Variants in CD209 observed in about 807,000 individuals in gnomAD.
CD209 encodes CD209 antigen.
A neutral mutation model predicts 44.7 loss-of-function variants in CD209; 31 were observed. The ratio of observed to expected loss-of-function variants is 0.69; its 90% CI spans 0.52 to 0.94. CD209 has a LOEUF of 0.94. Ranked by LOEUF, CD209 falls within the 40% of genes least tolerant of loss-of-function variation. CD209 has a pLI of 0.00. For synonymous variants in CD209, 173 were observed against 181.3 expected, an observed-to-expected ratio of 0.95 and a Z score of 0.37; for missense variants, 407 against 452.4, an observed-to-expected ratio of 0.90 and a Z score of 0.91.
chr19:7,744,790 G>T lies in CD209; in HGVS notation c.900+151C>A, dbSNP rs781659286. ...AGATTTGGTTTGTATCTGCTCTAAG[G>T]GTACTTGAGACTCCCTCATTCATAT... On this transcript the variant is annotated intron_variant, in intron 5 of 6. Transcript: ENST00000315599. 5.6e-5 allele frequency: 61 copies of T among 1,098,368 alleles called. 1 individual carries two copies. The highest frequency in any genetic ancestry group is 3.0e-4 in the Middle Eastern group (1 of 3,298). 68.0% of individuals were successfully genotyped at this position (1,098,368 alleles called of 1,614,324 possible).
intron 6 of CD209, 69 bp from the exon 7 acceptor site, chr19:7,743,309 TC>T: frequency 7.5e-7 from 1 of 1,338,268 alleles, no homozygotes. Context: ...CTACCTTCTG[TC>T]ATCTTGATGC....
chr19:7,743,578 C>A (rs1203174513), intron 6 of CD209, among the ~76,000 whole-genome samples: 1 of 152,140 alleles, frequency 6.6e-6, no homozygotes. Context: ...TGTCAGACAG[C>A]GAGGGGCAGC....
At chr19:7,743,361 C>G (rs1001680981) in intron 6 of CD209, 121 bp from the exon 7 acceptor site, 3 of 833,148 alleles carry the variant, frequency 3.6e-6, no homozygotes, top group Non-Finnish European at 6.1e-6. Context: ...ACTTGAATCC[C>G]TCTGCATACC....
chr19:7,746,167 T>G (rs2033815214), intron 3 of CD209, 80 bp from the exon 4 acceptor site: 3 of 1,570,504 alleles, frequency 1.9e-6, no homozygotes, highest in Non-Finnish European at 2.6e-6. Flanking sequence ...CATAGGGACA[T>G]CATTTGTGAG....
At position 7,742,047 on chromosome 19, in the gene CD209, G is replaced by A. The variant is rs1047953074; in HGVS notation, c.*992C>T. The A allele has an allele frequency of 1.7e-4, 48 of 289,840 alleles. No homozygotes were observed. Among genetic ancestry groups the A allele is most frequent in the Admixed American group, 7.3e-4 (16 of 21,874 alleles). The allele number at this position is 289,840 out of a possible 1,614,324, so 18.0% of individuals were successfully genotyped here. A position where few individuals can be genotyped will look rare whatever the true frequency, so the allele number is the denominator to read the frequency against. ...AGCCGCAGTGAGAACGGCCGGAGCC[G>A]TCACAGCCGGAGCCAAAGCTCCTCT... On this transcript the variant is annotated 3_prime_UTR_variant, in exon 7 of 7. Coordinates refer to ENST00000315599, the MANE Select transcript of CD209 (RefSeq NM_021155.4).
intron 4 of CD209, 92 bp downstream of exon 4, chr19:7,745,426 G>T (rs2040961354): frequency 1.2e-6 from 2 of 1,606,528 alleles, no homozygotes; most frequent in Admixed American, 3.4e-5. Context: ...CACAGATGAG[G>T]AAACTTGCTC....
chr19:7,744,178 G>T lies in CD209; in HGVS notation c.942C>A (p.Thr314=). 1.2e-6 allele frequency: 2 copies of T among 1,614,192 alleles called. No individual in the cohort carries two copies. Among genetic ancestry groups the T allele is most frequent in the Middle Eastern group, 3.3e-4 (2 of 6,062 alleles). The change falls in exon 6 of 7, where the codon ACC becomes ACA. Residue 314 remains threonine (T), a synonymous_variant. Transcript: ENST00000315599. The stretch of plus-strand genomic sequence containing the variant: ...GATTTAGATCTGAAAGTCCCATCCA[G>T]GTGAAGCGGTTACTTCTGGAAGACT... ...QLQSSRSNRF[T]WMGLSDLNQE...
intron 1 of CD209, 49 bp downstream of exon 1, chr19:7,747,417 G>C: frequency 6.2e-7 from 1 of 1,614,206 alleles, no homozygotes; most frequent in Non-Finnish European, 8.5e-7. Context: ...GCCATGGCTG[G>C]CCATCCCTTC....
chr19:7,743,108 G>T lies in CD209; in HGVS notation c.1146C>A (p.Ala382=). The change falls in exon 7 of 7, where the codon GCC becomes GCA. Residue 382 remains alanine (A), a synonymous_variant. Coordinates refer to ENST00000315599, the MANE Select transcript of CD209 (RefSeq NM_021155.4). ...AKFWICKKSA[A]SCSRDEEQFL... is the part of the protein sequence containing the mutation. Reference sequence around the variant, plus strand: ...ACTGTTCTTCATCCCTGGAGCAGGAGGCTGCGGACTTTTTGCAGATCCAGA... The same window carrying T: ...ACTGTTCTTCATCCCTGGAGCAGGATGCTGCGGACTTTTTGCAGATCCAGA... 1 of 1,614,214 alleles carries T rather than the reference G, an allele frequency of 6.2e-7. No homozygotes were observed. The highest frequency in any genetic ancestry group is 8.5e-7 in the Non-Finnish European group (1 of 1,180,042).
At chr19:7,743,881 T>C (rs112335707) in intron 6 of CD209, among the ~76,000 whole-genome samples, 4,846 of 152,242 alleles carry the variant, frequency 0.032, 238 homozygotes, top group African/African-American at 0.11. Context: ...TATATTTTAA[T>C]ACACCTCCCC....
At chr19:7,743,973 T>G (rs10422473) in intron 6 of CD209, 134 bp downstream of exon 6, 16 of 712,076 alleles carry the variant, frequency 2.2e-5, no homozygotes, top group African/African-American at 1.8e-4. Flanking sequence ...GAAGACCACC[T>G]TCCTCAACTC....
At position 7,745,075 on chromosome 19, in the gene CD209, A is replaced by C; in HGVS notation, c.766T>G (p.Cys256Gly). ...KAAVERLCHP[C>G]PWEWTFFQGN... is the part of the protein sequence containing the mutation. ...TGGAAGAATGTCCATTCCCAGGGAC[A>C]GGGGTGGCACAGGCGTTCTGTTGGG... Residue 256 changes from cysteine (C) to glycine (G), a missense_variant, in exon 5 of 7, where the codon TGT becomes GGT. By Grantham distance (159) the Cys-to-Gly change is radical (BLOSUM62 -3). This residue lies in a region of CD209 where 200 missense variants were observed against 202.2 expected (regional missense o/e 0.99). Transcript: ENST00000315599. 6.2e-7 allele frequency: 1 copy of C among 1,614,176 alleles called. No homozygotes were observed. The highest frequency in any genetic ancestry group is 1.1e-5 in the South Asian group (1 of 91,082).
intron 5 of CD209, among the ~76,000 whole-genome samples, 156 bp from the exon 6 acceptor site, chr19:7,744,375 G>A (rs1004394238): frequency 6.6e-6 from 1 of 152,144 alleles, no homozygotes; most frequent in African/African-American, 2.4e-5. Context: ...CCTCTCACAT[G>A]TGTATCCCAC....
At chr19:7,744,804 C>A (rs2033744253) in intron 5 of CD209, 137 bp downstream of exon 5, 1 of 1,221,764 alleles carries the variant, frequency 8.2e-7, no homozygotes, top group South Asian at 1.5e-5. Context: ...CTTGAGACTC[C>A]CTCATTCATA....
rs1366004379 is a variant in CD209, at chr19:7,741,074, G to A, written c.*1965C>T. ...TTTACAGTGTTTGGAAAGGAGCAGT[G>A]CAGGAGGGATGACTATGACTCCGAA... On this transcript the variant is annotated 3_prime_UTR_variant, in exon 7 of 7. Coordinates refer to ENST00000315599, the MANE Select transcript of CD209 (RefSeq NM_021155.4). The A allele has an allele frequency of 2.3e-6, 2 of 851,480 alleles. No individual in the cohort carries two copies. The highest frequency in any genetic ancestry group is 2.0e-6 in the Non-Finnish European group (1 of 506,414). 52.7% of individuals were successfully genotyped at this position (851,480 alleles called of 1,614,324 possible). A position where few individuals can be genotyped will look rare whatever the true frequency, so the allele number is the denominator to read the frequency against.
In CD209 at chr19:7,741,469, C is replaced by T. The variant is rs2033611612; in HGVS notation, c.*1570G>A. 2.8e-5 allele frequency: 13 copies of T among 459,506 alleles called. No individual in the cohort carries two copies. Among genetic ancestry groups the T allele is most frequent in the East Asian group, 5.6e-5 (1 of 17,918 alleles). 28.5% of individuals were successfully genotyped at this position (459,506 alleles called of 1,614,324 possible). On this transcript the variant is annotated 3_prime_UTR_variant, in exon 7 of 7. Coordinates refer to ENST00000315599, the MANE Select transcript of CD209 (RefSeq NM_021155.4). The stretch of plus-strand genomic sequence containing the variant: ...ATCGCGCCACTGCACTCCAGCCTGG[C>T]GACAGAGCAAGACCCCATCTTTAAA...
chr19:7,746,527 AC>A lies in CD209; in HGVS notation c.110del (p.Cys37PhefsTer31). ...GCAGCACCAGGGGACCATGGCCAAG[AC>A]ACCCTGAGAGAGGATACATGCGTCA... is the stretch of plus-strand genomic sequence containing the variant. ...QTRGYKSLAG[C>X]LGHGPLVLQL... On this transcript the variant is annotated frameshift_variant, in exon 3 of 7. Coordinates refer to ENST00000315599, the MANE Select transcript of CD209 (RefSeq NM_021155.4). LOFTEE classifies it high-confidence loss of function. 6.2e-7 allele frequency: 1 copy of A among 1,613,754 alleles called. No individual in the cohort carries two copies. The highest frequency in any genetic ancestry group is 8.5e-7 in the Non-Finnish European group (1 of 1,179,776).
At chr19:7,744,290 G>A in intron 5 of CD209, 71 bp from the exon 6 acceptor site, 1 of 1,188,558 alleles carries the variant, frequency 8.4e-7, no homozygotes, top group South Asian at 1.2e-5. Context: ...CCCATCTCTT[G>A]GTAGGAAGTT....
intron 4 of CD209, 151 bp from the exon 5 acceptor site, chr19:7,745,243 C>G: frequency 8.3e-7 from 1 of 1,199,708 alleles, no homozygotes; most frequent in Non-Finnish European, 1.2e-6. Flanking sequence ...AGACCCTCCC[C>G]CATCCCCATG....
Sources: gnomAD v4.1 joint callset for allele counts (sites outside exome capture counted in the v4.1 genomes callset) on GRCh38, gnomAD v4.1.1 for gene constraint, gnomAD v4.1.1 regional missense constraint, MANE v1.5 for transcripts, NCBI Gene and HGNC (gene_info 2026-07-23, HGNC 2026-07-21) for gene names.